Variants in CASP2 observed in about 807,000 individuals in gnomAD.
CASP2 encodes caspase-2.
Under a neutral mutation model 54.4 loss-of-function variants are expected in CASP2, and 38 were observed. The ratio of observed to expected loss-of-function variants is 0.70; its 90% confidence interval spans 0.54 to 0.92. The LOEUF (loss-of-function observed/expected upper bound fraction) is 0.92. Among genes scored for constraint, CASP2 ranks in the 40% least tolerant of loss-of-function variants. The probability of loss-of-function intolerance (pLI) is 0.00; values close to 1 mark genes in which losing one functional copy is unlikely to be tolerated. For missense variants in CASP2, 512 were observed against 579.6 expected, an observed-to-expected ratio of 0.88 and a Z score of 1.20; for synonymous variants, 215 against 216.3, an observed-to-expected ratio of 0.99 and a Z score of 0.05.
Position 143,305,442 on chromosome 7 carries a change from A to T in CASP2, c.*371A>T. 1.1e-5 allele frequency: 4 copies of T among 352,420 alleles called. No homozygotes were observed. The allele number at this position is 352,420 out of a possible 1,614,324, so 21.8% of individuals were successfully genotyped here. A position where few individuals can be genotyped will look rare whatever the true frequency, so the allele number is the denominator to read the frequency against. ...AGATGGCACTTTAGTGATTGCTTTT[A>T]TTACATTAGTTAAGATGTCTGAGAG... On this transcript the variant is annotated 3_prime_UTR_variant, in exon 11 of 11. Coordinates refer to ENST00000310447, the MANE Select transcript of CASP2 (RefSeq NM_032982.4).
Position 143,304,787 on chromosome 7 carries a change from A to AGCCAGCGG in CASP2, c.1227+7_1227+14dup. 1 of 1,613,328 alleles carries AGCCAGCGG rather than the reference A, an allele frequency of 6.2e-7. No homozygotes were observed. Among genetic ancestry groups the AGCCAGCGG allele is most frequent in the Non-Finnish European group, 8.5e-7 (1 of 1,179,266 alleles). On this transcript the variant is annotated splice_donor_region_variant and intron_variant, in intron 10 of 10. Transcript: ENST00000310447. ...CGTGGCCGACATGCTGGTTAAGGTGAGCCAGCGGGCTCCGTGACCCCTGTG... is the reference window on the plus strand; with the variant it reads ...CGTGGCCGACATGCTGGTTAAGGTGAGCCAGCGGGCCAGCGGGCTCCGTGACCCCTGTG...
chr7:143,296,478 A>G (rs548401399), intron 6 of CASP2, among the ~76,000 whole-genome samples: 68 of 152,362 alleles, frequency 4.5e-4, no homozygotes, highest in African/African-American at 1.6e-3. Context: ...GATCAGAAGG[A>G]TAAGTGGAGG....
chr7:143,294,381 G>A lies in CASP2; in HGVS notation c.570+57G>A, dbSNP rs1211880037. The A allele has an allele frequency of 8.0e-6, 10 of 1,254,284 alleles. No homozygotes were observed. The Admixed American group carries it at 1.0e-4, about 13-fold the overall frequency. The allele number at this position is 1,254,284 out of a possible 1,614,324, so 77.7% of individuals were successfully genotyped here. A position where few individuals can be genotyped will look rare whatever the true frequency, so the allele number is the denominator to read the frequency against. On this transcript the variant is annotated intron_variant, in intron 5 of 10. Transcript: ENST00000310447. ...AGTTGGGAAATTAGACACCCTTCCT[G>A]GGAACCTGAACTTAGTTTGCATGTA...
chr7:143,302,894 A>G (rs1379031580), intron 8 of CASP2: 1 of 152,202 alleles, frequency 6.6e-6, no homozygotes, highest in Non-Finnish European at 1.5e-5. Flanking sequence ...TACTGCTAAA[A>G]TTGAATAAGG....
rs545637746 is a variant in CASP2 at position 143,306,582 on chromosome 7, A to C, written c.*1511A>C. ...AAGACCTTTTTTTAAAAAAAAAAAA[A>C]AAAAAACTTCCATTCTTTCTTCCTC... On this transcript the variant is annotated 3_prime_UTR_variant, in exon 11 of 11. Coordinates refer to ENST00000310447, the MANE Select transcript of CASP2 (RefSeq NM_032982.4). 1.3e-4 allele frequency: 20 copies of C among 151,932 alleles called. No homozygotes were observed. Among genetic ancestry groups the C allele is most frequent in the African/African-American group, 2.9e-4 (12 of 41,466 alleles). 9.4% of individuals were successfully genotyped at this position (151,932 alleles called of 1,614,324 possible).
chr7:143,306,002 T>G lies in CASP2; in HGVS notation c.*931T>G, dbSNP rs1385887141. On this transcript the variant is annotated 3_prime_UTR_variant, in exon 11 of 11. Transcript: ENST00000310447. ...AGCTTATCTCCCTGCTTCATATCTC[T>G]CCCTTCTTTACCTTCATTTCATCCT... 6.6e-6 allele frequency: 1 copy of G among 152,206 alleles called. No individual in the cohort carries two copies. The highest frequency in any genetic ancestry group is 1.9e-4 in the East Asian group (1 of 5,194). 9.4% of individuals were successfully genotyped at this position (152,206 alleles called of 1,614,324 possible). A position where few individuals can be genotyped will look rare whatever the true frequency, so the allele number is the denominator to read the frequency against.
Position 143,294,327 on chromosome 7 carries a change from G to A in CASP2, c.570+3G>A, listed in dbSNP as rs1288519882. On this transcript the variant is annotated splice_donor_region_variant and intron_variant, in intron 5 of 10. Transcript: ENST00000310447. Reference sequence around the variant, plus strand: ...TTTATCAAACACACTTCCAGCTGGTGAGTTTTTGCATAATGACAAGAGGAA... The same window carrying A: ...TTTATCAAACACACTTCCAGCTGGTAAGTTTTTGCATAATGACAAGAGGAA... 6.3e-7 allele frequency: 1 copy of A among 1,596,218 alleles called. No homozygotes were observed. The highest frequency in any genetic ancestry group is 1.1e-5 in the South Asian group (1 of 90,756).
Position 143,306,809 on chromosome 7 carries a change from T to G in CASP2, c.*1738T>G, listed in dbSNP as rs1427010382. 1 of 152,232 alleles carries G rather than the reference T, an allele frequency of 6.6e-6. No homozygotes were observed. The highest frequency in any genetic ancestry group is 1.5e-5 in the Non-Finnish European group (1 of 68,070). 9.4% of individuals were successfully genotyped at this position (152,232 alleles called of 1,614,324 possible). ...CCACACCTGGCCAGGATTTGGTTGT[T>G]TAAATATAAATCTGATCACCCCCCT... On this transcript the variant is annotated 3_prime_UTR_variant, in exon 11 of 11. Transcript: ENST00000310447.
rs553085879 is a variant in CASP2, at chr7:143,294,085, C to A, written c.476-145C>A. The A allele has an allele frequency of 6.3e-4, 422 of 667,622 alleles. 4 individuals carry two copies. In the South Asian group the frequency reaches 6.7e-3, roughly 11 times the overall value. The allele number at this position is 667,622 out of a possible 1,614,324, so 41.4% of individuals were successfully genotyped here. ...GTGAGCTAAAACTAAGAGTCTCTGCCCTCATGAAGCTTACAGGTTTGGGTA... is the reference window on the plus strand; with the variant it reads ...GTGAGCTAAAACTAAGAGTCTCTGCACTCATGAAGCTTACAGGTTTGGGTA... On this transcript the variant is annotated intron_variant, in intron 4 of 10. Transcript: ENST00000310447.
At chr7:143,298,967 G>T (rs979795340) in intron 6 of CASP2, among the ~76,000 whole-genome samples, 1 of 148,256 alleles carries the variant, frequency 6.7e-6, no homozygotes, top group African/African-American at 2.5e-5. Flanking sequence ...TCGGTTTTTG[G>T]TTTTTTTTTT....
At chr7:143,300,767 T>C in intron 8 of CASP2, 1 of 1,185,896 alleles carries the variant, frequency 8.4e-7, no homozygotes, top group South Asian at 1.6e-5. Flanking sequence ...TTCTTCTTTC[T>C]TCTTACCATT....
rs1246510197 is a variant in CASP2 at position 143,306,789 on chromosome 7, C to G, written c.*1718C>G. On this transcript the variant is annotated 3_prime_UTR_variant, in exon 11 of 11. Transcript: ENST00000310447. ...GGGCTTACAGGCATGAGCCACCACACCTGGCCAGGATTTGGTTGTTTAAAT... is the reference window on the plus strand; with the variant it reads ...GGGCTTACAGGCATGAGCCACCACAGCTGGCCAGGATTTGGTTGTTTAAAT... 1 of 152,242 alleles carries G rather than the reference C, an allele frequency of 6.6e-6. No individual in the cohort carries two copies. The highest frequency in any genetic ancestry group is 2.4e-5 in the African/African-American group (1 of 41,450). The allele number at this position is 152,242 out of a possible 1,614,324, so 9.4% of individuals were successfully genotyped here. A position where few individuals can be genotyped will look rare whatever the true frequency, so the allele number is the denominator to read the frequency against.
chr7:143,302,320 T>C (rs1801939485), intron 8 of CASP2: 1 of 152,208 alleles, frequency 6.6e-6, no homozygotes, highest in African/African-American at 2.4e-5. Flanking sequence ...GAGTAATTGC[T>C]CTTTTCTGGA....
Position 143,291,701 on chromosome 7 carries a change from G to A in CASP2, c.225+11G>A. The stretch of plus-strand genomic sequence containing the variant: ...AGGGAGCTCATCCAGGTATCTGGAG[G>A]CAAAAGAGAGAAGATAAATTGATCA... On this transcript the variant is annotated intron_variant, in intron 2 of 10. Coordinates refer to ENST00000310447, the MANE Select transcript of CASP2 (RefSeq NM_032982.4). 1 of 1,610,820 alleles carries A rather than the reference G, an allele frequency of 6.2e-7. No individual in the cohort carries two copies. The highest frequency in any genetic ancestry group is 1.3e-5 in the African/African-American group (1 of 74,632).
intron 6 of CASP2, among the ~76,000 whole-genome samples, 163 bp from the exon 7 acceptor site, chr7:143,299,760 T>C (rs1306007471): frequency 6.6e-6 from 1 of 152,228 alleles, no homozygotes; most frequent in Non-Finnish European, 1.5e-5. Context: ...AGTCCATAGC[T>C]TTCTTTAGTC....
At chr7:143,294,209 G>A in intron 4 of CASP2, 21 bp from the exon 5 acceptor site, 1 of 1,331,486 alleles carries the variant, frequency 7.5e-7, no homozygotes, top group African/African-American at 1.4e-5. Context: ...CTAGTTTTTT[G>A]GTTTTCTGTC....
At position 143,300,550 on chromosome 7, in the gene CASP2, G is replaced by A. The variant is rs541450291; in HGVS notation, c.967+256G>A. On this transcript the variant is annotated intron_variant, in intron 8 of 10. Transcript: ENST00000310447. ...ATCCTGTTTTCAGGTCTCTTATCCC[G>A]TGTCTTTGCCTTCCTTTCTGAGAAC... 31 of 1,518,388 alleles carry A rather than the reference G, an allele frequency of 2.0e-5. No individual in the cohort carries two copies. In the East Asian group the frequency reaches 3.1e-4, roughly 15 times the overall value. 94.1% of individuals were successfully genotyped at this position (1,518,388 alleles called of 1,614,324 possible).
chr7:143,299,789 T>C, intron 6 of CASP2, 134 bp from the exon 7 acceptor site: 1 of 969,472 alleles, frequency 1.0e-6, no homozygotes, highest in Admixed American at 2.0e-5. Context: ...GGTCTCTTCT[T>C]TTATCATTGA....
Position 143,294,145 on chromosome 7 carries a change from C to G in CASP2, c.476-85C>G, listed in dbSNP as rs1563061691. On this transcript the variant is annotated intron_variant, in intron 4 of 10. Transcript: ENST00000310447. ...ACCAATATTTATCACAACCCAGTTG[C>G]AAGAGATGTCTGAAGTTACAATGAC... 1.2e-5 allele frequency: 10 copies of G among 820,334 alleles called. No homozygotes were observed. In the East Asian group the frequency reaches 2.4e-4, roughly 20 times the overall value. 50.8% of individuals were successfully genotyped at this position (820,334 alleles called of 1,614,324 possible). A position where few individuals can be genotyped will look rare whatever the true frequency, so the allele number is the denominator to read the frequency against.
Sources: allele counts gnomAD v4.1 joint callset (sites outside exome capture counted in the v4.1 genomes callset), GRCh38; gene constraint gnomAD v4.1.1; transcripts MANE v1.5; gene names NCBI Gene and HGNC (gene_info 2026-07-23, HGNC 2026-07-21).